Variants in SCGB2B2 observed in about 807,000 individuals in gnomAD.
SCGB2B2 encodes secretoglobin-like protein.
Under a neutral mutation model 7.6 loss-of-function variants are expected in SCGB2B2, and 11 were observed. The ratio of observed to expected loss-of-function variants is 1.45; its 90% CI spans 0.91 to 2.40. The LOEUF (loss-of-function observed/expected upper bound fraction) is 2.40. SCGB2B2 is among the 30% of genes most tolerant of loss of function. The pLI, the probability that SCGB2B2 is intolerant of heterozygous loss-of-function variation, is 0.00. For synonymous variants in SCGB2B2, 50 were observed against 48.6 expected, an observed-to-expected ratio of 1.03 and a Z score of -0.12; for missense variants, 104 against 115.4, an observed-to-expected ratio of 0.90 and a Z score of 0.45.
chr19:34,647,029 C>T lies in SCGB2B2; in HGVS notation c.-2032+28601G>A, dbSNP rs932538974. ...ACAACCCCACCCCGCCTTGACCCAA[C>T]CCCCCAGGACTCCAGATGCTGGAGG... On this transcript the variant is annotated intron_variant, in intron 1 of 3. Coordinates refer to ENST00000601241, the MANE Select transcript of SCGB2B2 (RefSeq NM_001025591.4). Among the ~76,000 whole-genome samples the T allele has an allele frequency of 2.6e-5, 4 of 152,104 alleles. No individual in the cohort carries two copies. In the South Asian group the frequency reaches 8.3e-4, roughly 32 times the overall value.
At chr19:34,606,078 T>G (rs899829732) in intron 1 of SCGB2B2, among the ~76,000 whole-genome samples, 1 of 151,780 alleles carries the variant, frequency 6.6e-6, no homozygotes, top group East Asian at 1.9e-4. Context: ...GTTTTTAAAA[T>G]TTTTTAAAAA....
rs145835048 is a variant in SCGB2B2 at position 34,605,525 on chromosome 19, C to T, written c.-2031-8931G>A. ...GTAAGATGTAACTTTTTGAGTCTGG[C>T]TTCTTTCAATAATTTTCTCATTGAC... On this transcript the variant is annotated intron_variant, in intron 1 of 3. Transcript: ENST00000601241. 3.7e-3 allele frequency among the ~76,000 whole-genome samples: 563 copies of T among 152,294 alleles called. 3 individuals carry two copies. The highest frequency in any genetic ancestry group is 6.9e-3 in the Non-Finnish European group (466 of 68,016).
downstream of SCGB2B2, among the ~76,000 whole-genome samples, chr19:34,587,989 TTTG>T (rs1403263291): frequency 6.6e-6 from 1 of 152,198 alleles, no homozygotes; most frequent in African/African-American, 2.4e-5. Context: ...TATAGTTTTC[TTTG>T]TTGTTGTGTC....
intron 1 of SCGB2B2, among the ~76,000 whole-genome samples, chr19:34,599,822 C>T (rs1488838145): frequency 3.3e-5 from 5 of 152,128 alleles, no homozygotes; most frequent in African/African-American, 1.2e-4. Context: ...TTCTTCACTT[C>T]CCATTTCTCC....
chr19:34,645,401 A>C (rs528759815), intron 1 of SCGB2B2: 2 of 159,676 alleles, frequency 1.3e-5, no homozygotes, highest in Admixed American at 1.3e-4. Context: ...AACCCCTCCC[A>C]CTGCAGGCTG....
rs935523392 is a variant in SCGB2B2, at chr19:34,611,094, C to G, written c.-2031-14500G>C. 4.6e-5 allele frequency among the ~76,000 whole-genome samples: 7 copies of G among 152,082 alleles called. 1 individual carries two copies. Among genetic ancestry groups the G allele is most frequent in the Admixed American group, 3.3e-4 (5 of 15,288 alleles). ...ATTTACATATTTTCTGGTTGGTTTT[C>G]TAATTTGTTAGCTTATAGTTATTTG... On this transcript the variant is annotated intron_variant, in intron 1 of 3. Transcript: ENST00000601241.
chr19:34,645,196 T>C (rs2066963284), intron 1 of SCGB2B2, among the ~76,000 whole-genome samples: 1 of 152,112 alleles, frequency 6.6e-6, no homozygotes, highest in Non-Finnish European at 1.5e-5. Context: ...CAAATGTTTG[T>C]TGAGCCTGGA....
At chr19:34,647,854 T>A (rs553293737) in intron 1 of SCGB2B2, among the ~76,000 whole-genome samples, 2 of 152,212 alleles carry the variant, frequency 1.3e-5, no homozygotes, top group Admixed American at 1.3e-4. Context: ...CCACATTGGG[T>A]CAGGTGGTCC....
At chr19:34,647,735 C>A (rs772559503) in intron 1 of SCGB2B2, among the ~76,000 whole-genome samples, 2 of 152,208 alleles carry the variant, frequency 1.3e-5, no homozygotes, top group Non-Finnish European at 2.9e-5. Flanking sequence ...CTGAAGTTCA[C>A]ATCCAAGGTG....
At chr19:34,620,756 T>C (rs571663092) in intron 1 of SCGB2B2, among the ~76,000 whole-genome samples, 116 of 152,108 alleles carry the variant, frequency 7.6e-4, no homozygotes, top group Non-Finnish European at 1.2e-3. Flanking sequence ...ATTGGGGCCA[T>C]GAGATGTTCC....
intron 1 of SCGB2B2, among the ~76,000 whole-genome samples, chr19:34,654,857 C>T (rs2067242941): frequency 1.3e-5 from 2 of 151,126 alleles, no homozygotes; most frequent in Non-Finnish European, 2.9e-5. Context: ...CTGTTTCCCC[C>T]ATGGCATGGC....
In SCGB2B2 at chr19:34,591,176, GT is replaced by G. The variant is rs2065288337; in HGVS notation, c.*2378del. On this transcript the variant is annotated 3_prime_UTR_variant, in exon 4 of 4. Transcript: ENST00000601241. ...CCGTCCTCCTGGATAGCTAATGGAT[GT>G]CTTGGATGTGGGAAACTTATCCAGG... is the stretch of plus-strand genomic sequence containing the variant. 6.6e-6 allele frequency among the ~76,000 whole-genome samples: 1 copy of G among 152,196 alleles called. No individual in the cohort carries two copies. Among genetic ancestry groups the G allele is most frequent in the African/African-American group, 2.4e-5 (1 of 41,458 alleles).
At chr19:34,662,480 A>C (rs1364284126) in intron 1 of SCGB2B2, among the ~76,000 whole-genome samples, 1 of 147,164 alleles carries the variant, frequency 6.8e-6, no homozygotes, top group Non-Finnish European at 1.5e-5. Context: ...AATAACAATA[A>C]AGAGATAAAA....
At chr19:34,616,203 C>A (rs1251654581) in intron 1 of SCGB2B2, among the ~76,000 whole-genome samples, 1 of 150,964 alleles carries the variant, frequency 6.6e-6, no homozygotes, top group Non-Finnish European at 1.5e-5. Context: ...GGTATATACC[C>A]AGTAAAGGGA....
chr19:34,634,192 A>G (rs1268025707), intron 1 of SCGB2B2, among the ~76,000 whole-genome samples: 1 of 152,198 alleles, frequency 6.6e-6, no homozygotes, highest in Non-Finnish European at 1.5e-5. Context: ...GATGGGGCAC[A>G]TACCCTCTAT....
chr19:34,608,242 TTTTC>T (rs1420668064), intron 1 of SCGB2B2, among the ~76,000 whole-genome samples: 1 of 152,134 alleles, frequency 6.6e-6, no homozygotes, highest in Non-Finnish European at 1.5e-5. Context: ...TGCCTTCTTA[TTTTC>T]TTTTTTGGAT....
chr19:34,589,316 C>T (rs533938667), downstream of SCGB2B2, among the ~76,000 whole-genome samples: 44 of 151,648 alleles, frequency 2.9e-4, no homozygotes, highest in Admixed American at 1.1e-3. Flanking sequence ...GATGGCTCAA[C>T]GGCCTGTCTT....
At chr19:34,633,861 A>G (rs2066604354) in intron 1 of SCGB2B2, among the ~76,000 whole-genome samples, 1 of 152,232 alleles carries the variant, frequency 6.6e-6, no homozygotes, top group Admixed American at 6.5e-5. Context: ...TAGTACATAT[A>G]TAAGGGACTC....
intron 1 of SCGB2B2, among the ~76,000 whole-genome samples, chr19:34,641,029 T>C (rs1452739799): frequency 6.6e-6 from 1 of 151,946 alleles, no homozygotes; most frequent in African/African-American, 2.4e-5. Context: ...ACCTGACTTA[T>C]TATTGAATAT....
Sources: gnomAD v4.1 joint callset for allele counts (sites outside exome capture counted in the v4.1 genomes callset) on GRCh38, gnomAD v4.1.1 for gene constraint, MANE v1.5 for transcripts, NCBI Gene and HGNC (gene_info 2026-07-23, HGNC 2026-07-21) for gene names.